The following HAPLN1 variants were observed in gnomAD, a reference collection of about 807,000 sequenced individuals.
HAPLN1 encodes hyaluronan and proteoglycan link protein 1.
HAPLN1 carries 13 observed loss-of-function variants against 36.5 expected under a neutral mutation model. That is an observed-to-expected ratio of 0.36 (90% confidence interval 0.23 to 0.57). The LOEUF is 0.57. Ranked by LOEUF, HAPLN1 falls within the 20% of genes least tolerant of loss-of-function variation. The pLI is 0.83. For synonymous variants in HAPLN1, 202 were observed against 169.8 expected (o/e 1.19, Z -1.48); for missense variants, 407 against 439.7 (o/e 0.93, Z 0.66).
chr5:83,702,049 G>T (rs1297313505), intron 1 of HAPLN1, among the ~76,000 whole-genome samples: 1 of 152,100 alleles, frequency 6.6e-6, no homozygotes, highest in African/African-American at 2.4e-5. Context: ...ACAATGCAAG[G>T]TTACCGGGAG....
chr5:83,712,438 A>G (rs1751811926), intron 1 of HAPLN1, among the ~76,000 whole-genome samples: 2 of 152,158 alleles, frequency 1.3e-5, no homozygotes, highest in Admixed American at 1.3e-4. Flanking sequence ...ATGATCATGA[A>G]TATACATTGA....
chr5:83,666,213 A>G (rs552265893), intron 2 of HAPLN1, among the ~76,000 whole-genome samples: 22 of 152,280 alleles, frequency 1.4e-4, no homozygotes, highest in Admixed American at 1.4e-3. Flanking sequence ...GAACATAATC[A>G]ATAAAGAAAT....
At chr5:83,696,602 G>T (rs914777947) in intron 1 of HAPLN1, among the ~76,000 whole-genome samples, 1 of 151,972 alleles carries the variant, frequency 6.6e-6, no homozygotes, top group Non-Finnish European at 1.5e-5. Context: ...ATTTTAAAAA[G>T]AATTTCATTC....
At chr5:83,694,920 G>T (rs924467826) in intron 1 of HAPLN1, among the ~76,000 whole-genome samples, 13 of 151,950 alleles carry the variant, frequency 8.6e-5, no homozygotes, top group East Asian at 1.9e-4. Context: ...ATTCTATGAG[G>T]CTAGCATTAT....
chr5:83,674,315 AG>A (rs1750810561), intron 1 of HAPLN1: 2 of 152,346 alleles, frequency 1.3e-5, no homozygotes, highest in South Asian at 4.1e-4. Context: ...CCACGGCTGC[AG>A]GGAACGTCCC....
At chr5:83,647,592 G>GA (rs776818426) in intron 3 of HAPLN1, among the ~76,000 whole-genome samples, 4 of 152,228 alleles carry the variant, frequency 2.6e-5, no homozygotes, top group South Asian at 2.1e-4. Context: ...TGGCTCTGTA[G>GA]AAAAAATGTG....
At chr5:83,697,603 G>A (rs1029211595) in intron 1 of HAPLN1, among the ~76,000 whole-genome samples, 2 of 152,132 alleles carry the variant, frequency 1.3e-5, no homozygotes, top group Admixed American at 6.6e-5. Context: ...TTGAGAAACT[G>A]CCAAACTGTA....
At chr5:83,712,925 C>A (rs1751829364) in intron 1 of HAPLN1, among the ~76,000 whole-genome samples, 1 of 148,092 alleles carries the variant, frequency 6.8e-6, no homozygotes, top group African/African-American at 2.5e-5. Flanking sequence ...CCAGAGAAAT[C>A]CAGGATTATG....
At chr5:83,677,432 T>C (rs1750885368) in intron 1 of HAPLN1, among the ~76,000 whole-genome samples, 1 of 152,198 alleles carries the variant, frequency 6.6e-6, no homozygotes, top group African/African-American at 2.4e-5. Flanking sequence ...TTCCTTGTCA[T>C]ATTGCATAGT....
intron 1 of HAPLN1, among the ~76,000 whole-genome samples, chr5:83,677,186 A>G (rs1227074372): frequency 6.6e-6 from 1 of 152,176 alleles, no homozygotes; most frequent in Non-Finnish European, 1.5e-5. Context: ...GCCATTTCTC[A>G]GAACAACTCA....
At chr5:83,685,075 C>T (rs1055128583) in intron 1 of HAPLN1, among the ~76,000 whole-genome samples, 12 of 152,126 alleles carry the variant, frequency 7.9e-5, no homozygotes, top group Non-Finnish European at 1.6e-4. Context: ...ATTCAGTGAT[C>T]AGTGTAATCA....
In HAPLN1 at chr5:83,673,555, A is replaced by G; in HGVS notation, c.-26-6T>C. On this transcript the variant is annotated splice_polypyrimidine_tract_variant and splice_region_variant and intron_variant, in intron 1 of 4. Coordinates refer to ENST00000274341, the MANE Select transcript of HAPLN1 (RefSeq NM_001884.4). ...AGCCCAAAGAATCTTCTTCACTGCG[A>G]GAGCATCACATACAAAGAGGCTTGT... The G allele has an allele frequency of 2.0e-6, 3 of 1,475,622 alleles. No individual in the cohort carries two copies. The highest frequency in any genetic ancestry group is 2.8e-6 in the Non-Finnish European group (3 of 1,054,376). The allele number at this position is 1,475,622 out of a possible 1,614,324, so 91.4% of individuals were successfully genotyped here.
intron 1 of HAPLN1, among the ~76,000 whole-genome samples, chr5:83,688,350 C>T (rs997939145): frequency 2.3e-4 from 35 of 152,146 alleles, no homozygotes; most frequent in African/African-American, 8.2e-4. Context: ...CCACATATCC[C>T]GATGTAGCAG....
intron 1 of HAPLN1, among the ~76,000 whole-genome samples, chr5:83,691,738 C>T (rs372432564): frequency 6.6e-5 from 10 of 151,802 alleles, no homozygotes; most frequent in East Asian, 5.8e-4. Context: ...AGAAGCAGGG[C>T]ATACCAATAA....
At chr5:83,685,066 T>C (rs1345388156) in intron 1 of HAPLN1, among the ~76,000 whole-genome samples, 4 of 152,230 alleles carry the variant, frequency 2.6e-5, no homozygotes, top group African/African-American at 9.6e-5. Flanking sequence ...TTGTTATAAA[T>C]TCAGTGATCA....
intron 3 of HAPLN1, among the ~76,000 whole-genome samples, chr5:83,651,506 T>C (rs976760333): frequency 3.3e-5 from 5 of 152,234 alleles, no homozygotes; most frequent in African/African-American, 1.2e-4. Context: ...CTTTACGATG[T>C]TGTGCAATTT....
intron 2 of HAPLN1, among the ~76,000 whole-genome samples, chr5:83,669,381 C>T (rs1188989627): frequency 6.6e-6 from 1 of 152,048 alleles, no homozygotes; most frequent in African/African-American, 2.4e-5. Context: ...CACCTGTAAT[C>T]CCAGCTACTT....
chr5:83,661,011 T>C (rs1397041589), intron 2 of HAPLN1, among the ~76,000 whole-genome samples: 1 of 152,152 alleles, frequency 6.6e-6, no homozygotes, highest in Non-Finnish European at 1.5e-5. Context: ...CTGTCTTCTT[T>C]ACCGTGCTCT....
At chr5:83,661,732 G>A (rs1057189154) in intron 2 of HAPLN1, among the ~76,000 whole-genome samples, 3 of 150,982 alleles carry the variant, frequency 2.0e-5, no homozygotes, top group Non-Finnish European at 4.4e-5. Flanking sequence ...CGTGAGCAAC[G>A]GCACCCGGCC....
Sources: gnomAD v4.1 joint callset for allele counts (sites outside exome capture counted in the v4.1 genomes callset) on GRCh38, gnomAD v4.1.1 for gene constraint, MANE v1.5 for transcripts, NCBI Gene and HGNC (gene_info 2026-07-23, HGNC 2026-07-21) for gene names.